The following AGAP1 variants were observed in gnomAD, a reference collection of about 807,000 sequenced individuals.
The protein encoded by AGAP1 is arf-GAP with GTPase, ANK repeat and PH domain-containing protein 1.
Under a neutral mutation model 105.3 loss-of-function variants are expected in AGAP1, and 29 were observed. The observed-to-expected ratio is 0.28, with a 90% confidence interval of 0.21 to 0.38. AGAP1 has a LOEUF of 0.38. AGAP1 is among the 10% of genes least tolerant of loss of function. The pLI is 1.00. For synonymous variants in AGAP1, 509 were observed against 485.9 expected (o/e 1.05, Z -0.63); for missense variants, 998 against 1,165.1 (o/e 0.86, Z 2.09).
Position 235,977,423 on chromosome 2 carries a change from C to T in AGAP1, c.1645+8800C>T, listed in dbSNP as rs1257126824. 1.3e-5 allele frequency among the ~76,000 whole-genome samples: 2 copies of T among 152,124 alleles called. No homozygotes were observed. The highest frequency in any genetic ancestry group is 2.9e-5 in the Non-Finnish European group (2 of 68,022). On this transcript the variant is annotated intron_variant, in intron 13 of 17. Transcript: ENST00000304032. This position sits in a 1 kb window ranked among gnomAD's most constrained non-coding sequence, Gnocchi z 5.2. Reference sequence around the variant, plus strand: ...TGTCTTCCTTACTATTCTAAATCCTCATCTACTCTTTCTACTTTCCTCAGC... The same window carrying T: ...TGTCTTCCTTACTATTCTAAATCCTTATCTACTCTTTCTACTTTCCTCAGC...
Position 236,074,300 on chromosome 2 carries a change from G to A in AGAP1, c.2114+25019G>A, listed in dbSNP as rs543799335. Among the ~76,000 whole-genome samples the A allele has an allele frequency of 2.6e-5, 4 of 152,308 alleles. No individual in the cohort carries two copies. In the East Asian group the frequency reaches 7.7e-4, roughly 29 times the overall value. On this transcript the variant is annotated intron_variant, in intron 16 of 17. Coordinates refer to ENST00000304032, the MANE Select transcript of AGAP1 (RefSeq NM_001037131.3). ...CGGGGAGCCCCTGCTAGCTTGGGAA[G>A]TGTGTGATTCTCTCCACTCCCTCCC...
In AGAP1 at chr2:235,919,857, G is replaced by A. The variant is rs1186018259; in HGVS notation, c.1325-10908G>A. Among the ~76,000 whole-genome samples the A allele has an allele frequency of 2.0e-5, 3 of 152,040 alleles. No homozygotes were observed. The highest frequency in any genetic ancestry group is 1.9e-4 in the East Asian group (1 of 5,188). On this transcript the variant is annotated intron_variant, in intron 11 of 17. Coordinates refer to ENST00000304032, the MANE Select transcript of AGAP1 (RefSeq NM_001037131.3). This position sits in a 1 kb window ranked among gnomAD's most constrained non-coding sequence, Gnocchi z 4.1. ...CACAATGCTTACACCCCTCATCCTC[G>A]CTGTTGCATCAGCTTGTCCATATAA...
At chr2:235,584,957 A>C (rs1574904077) in intron 1 of AGAP1, among the ~76,000 whole-genome samples, 1 of 95,850 alleles carries the variant, frequency 1.0e-5, no homozygotes, top group Non-Finnish European at 2.0e-5. Flanking sequence ...AACTCCTTTT[A>C]GGCGTCACCC....
intron 16 of AGAP1, among the ~76,000 whole-genome samples, chr2:236,115,534 A>G (rs1003406538): frequency 2.0e-5 from 3 of 152,188 alleles, no homozygotes; most frequent in African/African-American, 7.2e-5. Flanking sequence ...TCCCCCTGGT[A>G]TCTGGATGGG....
At chr2:235,771,361 T>C (rs1004278075) in intron 6 of AGAP1, among the ~76,000 whole-genome samples, 1 of 152,068 alleles carries the variant, frequency 6.6e-6, no homozygotes, top group Non-Finnish European at 1.5e-5. Flanking sequence ...TGAGGAGCCT[T>C]GGGGCCACTC....
At chr2:235,735,470 A>G (rs940840650) in intron 3 of AGAP1, among the ~76,000 whole-genome samples, 2 of 152,178 alleles carry the variant, frequency 1.3e-5, no homozygotes, top group Admixed American at 6.5e-5. Flanking sequence ...GAAGGAACCC[A>G]GTTGTTTTAC....
Position 235,936,229 on chromosome 2 carries a change from C to T in AGAP1, c.1483+5306C>T, listed in dbSNP as rs2052981514. ...TCACTTCCCTCGGCCTCCCCCAGGC[C>T]ACCACGCAGCCTCGTCACCATCGAG... On this transcript the variant is annotated intron_variant, in intron 12 of 17. Coordinates refer to ENST00000304032, the MANE Select transcript of AGAP1 (RefSeq NM_001037131.3). The surrounding 1 kb of genome is among the most constrained non-coding windows in gnomAD (Gnocchi z 4.7). 6.6e-6 allele frequency among the ~76,000 whole-genome samples: 1 copy of T among 152,222 alleles called. No homozygotes were observed. The highest frequency in any genetic ancestry group is 2.1e-4 in the South Asian group (1 of 4,826).
intron 5 of AGAP1, among the ~76,000 whole-genome samples, chr2:235,745,651 AATT>A (rs1444911580): frequency 6.6e-6 from 1 of 152,220 alleles, no homozygotes; most frequent in African/African-American, 2.4e-5. Context: ...CTGTTTTGCG[AATT>A]CTTTTAGAAT....
intron 16 of AGAP1, among the ~76,000 whole-genome samples, chr2:236,074,974 G>A (rs748378566): frequency 6.6e-6 from 1 of 152,140 alleles, no homozygotes; most frequent in Non-Finnish European, 1.5e-5. Context: ...GGTGGTTTGA[G>A]CCCGAGAGGT....
At chr2:235,969,421 A>C (rs1349193228) in intron 13 of AGAP1, among the ~76,000 whole-genome samples, 1 of 152,254 alleles carries the variant, frequency 6.6e-6, no homozygotes, top group African/African-American at 2.4e-5. Context: ...TTGTTAGAAC[A>C]TGAATTATTA....
chr2:235,913,312 G>C (rs1014751378), intron 11 of AGAP1, among the ~76,000 whole-genome samples: 3 of 152,052 alleles, frequency 2.0e-5, no homozygotes, highest in African/African-American at 7.2e-5. Context: ...GTGTATGTGT[G>C]TGTATACATG....
In AGAP1 at chr2:235,751,898, G is replaced by T. The variant is rs780093367; in HGVS notation, c.673+1410G>T. ...ACAGCCCCTTCTTCCCTCCACTAAC[G>T]TATATCTCGGGCACCTCCTGCTGCC... On this transcript the variant is annotated intron_variant, in intron 6 of 17. Coordinates refer to ENST00000304032, the MANE Select transcript of AGAP1 (RefSeq NM_001037131.3). This position sits in a 1 kb window ranked among gnomAD's most constrained non-coding sequence, Gnocchi z 5.3. 6.6e-6 allele frequency among the ~76,000 whole-genome samples: 1 copy of T among 152,162 alleles called. No individual in the cohort carries two copies. The highest frequency in any genetic ancestry group is 1.5e-5 in the Non-Finnish European group (1 of 68,036).
At chr2:235,604,100 A>G (rs1435633911) in intron 1 of AGAP1, among the ~76,000 whole-genome samples, 1 of 151,758 alleles carries the variant, frequency 6.6e-6, no homozygotes, top group Non-Finnish European at 1.5e-5. Context: ...TAATATAAAT[A>G]TATCAGAATT....
At chr2:235,702,370 C>T (rs1381930144) in intron 1 of AGAP1, among the ~76,000 whole-genome samples, 3 of 152,180 alleles carry the variant, frequency 2.0e-5, no homozygotes, top group Non-Finnish European at 2.9e-5. Flanking sequence ...TCTGAAATCC[C>T]GAGGAAGGAC....
intron 6 of AGAP1, among the ~76,000 whole-genome samples, chr2:235,780,552 C>T (rs182957014): frequency 7.2e-5 from 11 of 152,094 alleles, no homozygotes; most frequent in Admixed American, 7.2e-4. Context: ...AGTTGCTCGG[C>T]CAAGTAATTT....
chr2:235,998,868 T>G (rs1198060293), intron 13 of AGAP1, among the ~76,000 whole-genome samples: 5 of 144,460 alleles, frequency 3.5e-5, no homozygotes, highest in South Asian at 2.3e-4. Context: ...ATGGTGAGAG[T>G]TGGTGGTGGT....
intron 13 of AGAP1, among the ~76,000 whole-genome samples, chr2:235,995,280 C>T (rs1387593210): frequency 1.3e-5 from 2 of 151,824 alleles, no homozygotes; most frequent in South Asian, 2.1e-4. Context: ...TTTGGGGAGC[C>T]GAGGTGGGCA....
chr2:235,942,214 G>A (rs1269467234), intron 12 of AGAP1, among the ~76,000 whole-genome samples: 1 of 152,172 alleles, frequency 6.6e-6, no homozygotes, highest in African/African-American at 2.4e-5. Flanking sequence ...CGAGAGCAGA[G>A]TGGGCTCACT....
At chr2:235,589,189 G>GTTTTTTTTTTTTTTTTTTTTTTTTTTTTT (rs1205771315) in intron 1 of AGAP1, among the ~76,000 whole-genome samples, 1 of 54,926 alleles carries the variant, frequency 1.8e-5, no homozygotes, top group Non-Finnish European at 4.3e-5. Flanking sequence ...ATAGCTTATT[G>GTTTTTTTTTTTTTTTTTTTTTTTTTTTTT]TTTTGTTTTT....
Sources: gnomAD v4.1 joint callset for allele counts (sites outside exome capture counted in the v4.1 genomes callset) on GRCh38, gnomAD v4.1.1 for gene constraint, Gnocchi (gnomAD v3.1) non-coding constraint, MANE v1.5 for transcripts, NCBI Gene and HGNC (gene_info 2026-07-23, HGNC 2026-07-21) for gene names.